The following LHFPL3 variants were observed in gnomAD, a reference collection of about 807,000 sequenced individuals.
The protein encoded by LHFPL3 is LHFPL tetraspan subfamily member 3 protein.
A neutral mutation model predicts 19.3 loss-of-function variants in LHFPL3; 5 were observed. The observed-to-expected ratio is 0.26, with a 90% CI of 0.14 to 0.54. LHFPL3 has a LOEUF of 0.54. Ranked by LOEUF, LHFPL3 falls within the 20% of genes least tolerant of loss-of-function variation. The probability of loss-of-function intolerance (pLI) is 0.94; values close to 1 mark genes in which losing one functional copy is unlikely to be tolerated. For synonymous variants in LHFPL3, 133 were observed against 126.2 expected, an observed-to-expected ratio of 1.05 and a Z score of -0.36; for missense variants, 249 against 307.4, an observed-to-expected ratio of 0.81 and a Z score of 1.42.
chr7:104,653,860 C>A (rs992768571), intron 1 of LHFPL3, among the ~76,000 whole-genome samples: 1 of 152,204 alleles, frequency 6.6e-6, no homozygotes, highest in East Asian at 1.9e-4. Flanking sequence ...GGCATCCCCC[C>A]AAATCCACAG....
intron 2 of LHFPL3, among the ~76,000 whole-genome samples, chr7:104,774,321 G>A (rs2116405969): frequency 6.6e-6 from 1 of 152,328 alleles, no homozygotes; most frequent in Admixed American, 6.5e-5. Context: ...ATGGTTCTAA[G>A]TCTTCTACAT....
chr7:104,549,819 C>T (rs1229369165), intron 1 of LHFPL3, among the ~76,000 whole-genome samples: 1 of 152,110 alleles, frequency 6.6e-6, no homozygotes. Flanking sequence ...GCTCCTGAAG[C>T]TTGCAGAAGG....
intron 1 of LHFPL3, among the ~76,000 whole-genome samples, chr7:104,474,687 C>CAAAAAAAAAAAAAAA (rs928431129): frequency 1.2e-4 from 5 of 41,032 alleles, no homozygotes; most frequent in Non-Finnish European, 2.2e-4. Context: ...ACAACAACAA[C>CAAAAAAAAAAAAAAA]AAAAAAAAAA....
intron 1 of LHFPL3, among the ~76,000 whole-genome samples, chr7:104,726,693 T>C (rs1209618109): frequency 3.3e-5 from 5 of 152,212 alleles, no homozygotes; most frequent in African/African-American, 9.6e-5. Flanking sequence ...TGGTATTCCA[T>C]GGTGTATATG....
At chr7:104,714,888 G>A (rs1032559211) in intron 1 of LHFPL3, among the ~76,000 whole-genome samples, 9 of 152,064 alleles carry the variant, frequency 5.9e-5, no homozygotes, top group African/African-American at 1.2e-4. Context: ...GTGTGTGTGC[G>A]CATGCACACA....
intron 1 of LHFPL3, among the ~76,000 whole-genome samples, chr7:104,731,599 C>T (rs1793706493): frequency 2.6e-5 from 4 of 151,756 alleles, no homozygotes; most frequent in African/African-American, 9.7e-5. Context: ...GCTGAAGTTG[C>T]TTATCAGCTT....
chr7:104,780,317 C>T (rs1290442939), intron 2 of LHFPL3, among the ~76,000 whole-genome samples: 1 of 152,222 alleles, frequency 6.6e-6, no homozygotes, highest in Non-Finnish European at 1.5e-5. Context: ...CTGACACCTC[C>T]ATTCTTTGGT....
intron 1 of LHFPL3, among the ~76,000 whole-genome samples, chr7:104,732,119 A>C (rs1283521840): frequency 6.6e-6 from 1 of 152,152 alleles, no homozygotes; most frequent in Non-Finnish European, 1.5e-5. Flanking sequence ...TGCTGGATTC[A>C]GTTTGCCAGT....
intron 1 of LHFPL3, among the ~76,000 whole-genome samples, chr7:104,684,356 T>C (rs773050712): frequency 7.2e-5 from 11 of 152,252 alleles, no homozygotes; most frequent in African/African-American, 1.4e-4. Context: ...AAGGGCCAGA[T>C]AGTAAATATT....
intron 1 of LHFPL3, among the ~76,000 whole-genome samples, chr7:104,712,768 G>A (rs1793320365): frequency 6.6e-6 from 1 of 152,188 alleles, no homozygotes. Context: ...GTAAGTATAT[G>A]TTGTTTTAAG....
At chr7:104,896,800 G>C (rs1205680295) in intron 2 of LHFPL3, among the ~76,000 whole-genome samples, 1 of 152,050 alleles carries the variant, frequency 6.6e-6, no homozygotes, top group Non-Finnish European at 1.5e-5. Flanking sequence ...AAAGTTTTAA[G>C]CTGGGCTGGG....
At chr7:104,465,204 T>TTGGACTTCATTGTCCATATCACCATA (rs1450149024) in intron 1 of LHFPL3, among the ~76,000 whole-genome samples, 8 of 152,172 alleles carry the variant, frequency 5.3e-5, no homozygotes, top group Admixed American at 1.3e-4. Context: ...ATTTTGTCCA[T>TTGGACTTCATTGTCCATATCACCATA]TGGACTTCAT....
At chr7:104,473,515 A>T (rs952976826) in intron 1 of LHFPL3, among the ~76,000 whole-genome samples, 5 of 152,200 alleles carry the variant, frequency 3.3e-5, no homozygotes, top group Admixed American at 3.3e-4. Flanking sequence ...ACAGGTACTT[A>T]TTCAGTGCTA....
intron 1 of LHFPL3, among the ~76,000 whole-genome samples, chr7:104,365,402 A>T (rs1790465637): frequency 6.6e-6 from 1 of 152,106 alleles, no homozygotes; most frequent in Non-Finnish European, 1.5e-5. Context: ...CCTCTAAGAC[A>T]GACTGGAATG....
chr7:104,595,059 C>T (rs1001050813), intron 1 of LHFPL3, among the ~76,000 whole-genome samples: 6 of 152,222 alleles, frequency 3.9e-5, no homozygotes, highest in African/African-American at 1.4e-4. Flanking sequence ...CAAAGTCATT[C>T]TCCGTCTAGC....
chr7:104,760,956 G>T (rs995236582), intron 2 of LHFPL3, among the ~76,000 whole-genome samples: 4 of 147,610 alleles, frequency 2.7e-5, no homozygotes, highest in African/African-American at 9.9e-5. Context: ...ATTACTTTGT[G>T]CATATCATGG....
chr7:104,371,136 C>T (rs996282160), intron 1 of LHFPL3, among the ~76,000 whole-genome samples: 3 of 152,126 alleles, frequency 2.0e-5, no homozygotes, highest in East Asian at 3.9e-4. Flanking sequence ...TAAAAAGCTA[C>T]GATTGTTTTT....
At chr7:104,395,245 T>A (rs1791160205) in intron 1 of LHFPL3, among the ~76,000 whole-genome samples, 1 of 152,136 alleles carries the variant, frequency 6.6e-6, no homozygotes, top group Admixed American at 6.5e-5. Flanking sequence ...ATGTAAAAAA[T>A]TAAATCTAAC....
chr7:104,898,096 A>G (rs2116721478), intron 2 of LHFPL3, among the ~76,000 whole-genome samples: 1 of 136,534 alleles, frequency 7.3e-6, no homozygotes, highest in South Asian at 2.4e-4. Flanking sequence ...TGCAACCTCC[A>G]CCTCCCAGGC....
Sources: gnomAD v4.1 joint callset for allele counts (sites outside exome capture counted in the v4.1 genomes callset) on GRCh38, gnomAD v4.1.1 for gene constraint, MANE v1.5 for transcripts, NCBI Gene and HGNC (gene_info 2026-07-23, HGNC 2026-07-21) for gene names.